ARHGAP42: variants seen among roughly 807,000 people sequenced by gnomAD.
ARHGAP42 encodes the protein rho GTPase-activating protein 42.
Under a neutral mutation model 125.0 loss-of-function variants are expected in ARHGAP42, and 63 were observed. That is an observed-to-expected ratio of 0.50 (90% CI 0.41 to 0.62). ARHGAP42 has a LOEUF of 0.62. Among genes scored for constraint, ARHGAP42 ranks in the 20% least tolerant of loss-of-function variants. The pLI is 0.00. For synonymous variants in ARHGAP42, 339 were observed against 351.0 expected, an observed-to-expected ratio of 0.97 and a Z score of 0.38; for missense variants, 766 against 1,024.2, an observed-to-expected ratio of 0.75 and a Z score of 3.44.
intron 12 of ARHGAP42, among the ~76,000 whole-genome samples, chr11:100,953,529 A>G (rs1350897032): frequency 6.6e-6 from 1 of 152,226 alleles, no homozygotes; most frequent in Non-Finnish European, 1.5e-5. Context: ...GGGCCATAGT[A>G]TGAATTTACA....
chr11:100,914,591 C>T (rs1251514336), intron 5 of ARHGAP42, among the ~76,000 whole-genome samples: 1 of 152,136 alleles, frequency 6.6e-6, no homozygotes, highest in Non-Finnish European at 1.5e-5. Flanking sequence ...CTGAAGTGAA[C>T]ACCATTAGTA....
intron 4 of ARHGAP42, among the ~76,000 whole-genome samples, chr11:100,910,346 C>G (rs754431078): frequency 6.6e-6 from 1 of 152,066 alleles, no homozygotes; most frequent in Non-Finnish European, 1.5e-5. Flanking sequence ...TACCTCACTT[C>G]TCATCTTTTT....
chr11:100,687,608 G>T lies in ARHGAP42; in HGVS notation c.-71G>T. On this transcript the variant is annotated 5_prime_UTR_variant, in exon 1 of 24. Transcript: ENST00000298815. The stretch of plus-strand genomic sequence containing the variant: ...ATCGCGCGACCCCAGCGCCCGCCGC[G>T]GCCGCCGGCTGCCCCCGCCCTGACC... The T allele has an allele frequency of 1.7e-6, 2 of 1,177,620 alleles. No individual in the cohort carries two copies. Among genetic ancestry groups the T allele is most frequent in the South Asian group, 8.4e-5 (2 of 23,728 alleles). The allele number at this position is 1,177,620 out of a possible 1,614,324, so 72.9% of individuals were successfully genotyped here. A position where few individuals can be genotyped will look rare whatever the true frequency, so the allele number is the denominator to read the frequency against.
chr11:100,751,377 G>C lies in ARHGAP42; in HGVS notation c.155-18966G>C, dbSNP rs568482425. Among the ~76,000 whole-genome samples, 194 of 150,328 alleles carry C rather than the reference G, an allele frequency of 1.3e-3. 2 individuals carry two copies. Among genetic ancestry groups the C allele is most frequent in the African/African-American group, 4.6e-3 (189 of 40,862 alleles). Reference sequence around the variant, plus strand: ...CTCACTGTGCAGCCTCCACCTCCTGGGTTCAAGCGATTCTCCTGCGCCAGC... The same window carrying C: ...CTCACTGTGCAGCCTCCACCTCCTGCGTTCAAGCGATTCTCCTGCGCCAGC... On this transcript the variant is annotated intron_variant, in intron 1 of 23. Coordinates refer to ENST00000298815, the MANE Select transcript of ARHGAP42 (RefSeq NM_152432.4).
intron 17 of ARHGAP42, among the ~76,000 whole-genome samples, chr11:100,969,122 G>T (rs1189105970): frequency 6.6e-6 from 1 of 152,038 alleles, no homozygotes; most frequent in East Asian, 1.9e-4. Context: ...GGTTAGTTTT[G>T]CTGGATAGAA....
chr11:100,716,626 C>T (rs530705017), intron 1 of ARHGAP42, among the ~76,000 whole-genome samples: 7 of 151,774 alleles, frequency 4.6e-5, no homozygotes, highest in South Asian at 2.1e-4. Flanking sequence ...CTTAGGAGGA[C>T]GACAGTATTA....
chr11:100,832,908 G>A (rs756267134), intron 3 of ARHGAP42, among the ~76,000 whole-genome samples: 26 of 152,170 alleles, frequency 1.7e-4, no homozygotes, highest in Non-Finnish European at 3.1e-4. Context: ...ATTTTGAATG[G>A]GTATGCTGAA....
chr11:100,687,749 G>A lies in ARHGAP42; in HGVS notation c.71G>A (p.Cys24Tyr). The change falls in exon 1 of 24, where the codon TGT (cysteine) becomes TAT (tyrosine). Residue 24 changes from cysteine (C) to tyrosine (Y), a missense_variant. Physicochemically the swap from Cys to Tyr is radical, Grantham distance 194. Transcript: ENST00000298815. ...DSPDFRERLQCHEIELERTNK... is the reference protein window; with the variant it reads ...DSPDFRERLQYHEIELERTNK... Reference sequence around the variant, plus strand: ...CCAGATTTCAGGGAGCGCTTGCAGTGTCACGAGATTGAGCTGGAGCGAACC... The same window carrying A: ...CCAGATTTCAGGGAGCGCTTGCAGTATCACGAGATTGAGCTGGAGCGAACC... The A allele has an allele frequency of 1.9e-6, 3 of 1,550,862 alleles. No homozygotes were observed. Among genetic ancestry groups the A allele is most frequent in the Non-Finnish European group, 2.6e-6 (3 of 1,146,770 alleles).
At chr11:100,928,226 G>A (rs1242622548) in intron 6 of ARHGAP42, among the ~76,000 whole-genome samples, 1 of 152,056 alleles carries the variant, frequency 6.6e-6, no homozygotes, top group African/African-American at 2.4e-5. Flanking sequence ...ATGAAGGATG[G>A]AACTATATAA....
intron 4 of ARHGAP42, among the ~76,000 whole-genome samples, chr11:100,880,228 T>C (rs1865925022): frequency 6.6e-6 from 1 of 152,166 alleles, no homozygotes; most frequent in African/African-American, 2.4e-5. Flanking sequence ...TGTATCCAAT[T>C]TGTAGTCTTT....
chr11:100,837,785 G>A (rs1008762371), intron 3 of ARHGAP42, among the ~76,000 whole-genome samples: 5 of 147,682 alleles, frequency 3.4e-5, no homozygotes, highest in African/African-American at 1.2e-4. Flanking sequence ...ATGATAATAG[G>A]GGCATAATGC....
At chr11:100,705,999 G>A (rs189457999) in intron 1 of ARHGAP42, among the ~76,000 whole-genome samples, 61 of 39,062 alleles carry the variant, frequency 1.6e-3, no homozygotes, top group African/African-American at 5.5e-3. Context: ...TTTTTTTTTT[G>A]AGATGGAGTC....
intron 1 of ARHGAP42, among the ~76,000 whole-genome samples, chr11:100,710,298 G>T (rs1425811160): frequency 1.3e-5 from 2 of 151,666 alleles, no homozygotes; most frequent in African/African-American, 4.8e-5. Context: ...TATGATCTCG[G>T]CTCACTGTAA....
chr11:100,893,585 T>C (rs966758449), intron 4 of ARHGAP42, among the ~76,000 whole-genome samples: 5 of 152,024 alleles, frequency 3.3e-5, no homozygotes, highest in African/African-American at 1.2e-4. Context: ...GAAAGGAAAA[T>C]TTCTTCAACA....
chr11:100,932,656 T>C (rs1028436464), intron 6 of ARHGAP42, among the ~76,000 whole-genome samples: 4 of 152,204 alleles, frequency 2.6e-5, no homozygotes, highest in African/African-American at 9.6e-5. Flanking sequence ...TTTGCTAAAA[T>C]GTTGTCTATT....
At chr11:100,752,244 A>G (rs1425878315) in intron 1 of ARHGAP42, among the ~76,000 whole-genome samples, 4 of 152,226 alleles carry the variant, frequency 2.6e-5, no homozygotes, top group African/African-American at 4.8e-5. Context: ...ACCCACACCA[A>G]GCTCCAGTGA....
chr11:100,967,368 G>A (rs1383179662), intron 17 of ARHGAP42, among the ~76,000 whole-genome samples: 2 of 151,982 alleles, frequency 1.3e-5, no homozygotes, highest in Admixed American at 1.3e-4. Context: ...ATATATTGTG[G>A]GTGGACTTAT....
At chr11:100,958,898 G>T (rs12421386) in intron 12 of ARHGAP42, among the ~76,000 whole-genome samples, 7,466 of 146,840 alleles carry the variant, frequency 0.051, 325 homozygotes, top group East Asian at 0.27. Context: ...TTTTTAGTTT[G>T]TTGCTGTTAC....
chr11:100,943,766 T>C lies in ARHGAP42; in HGVS notation c.941T>C (p.Leu314Pro). ...EMKSSGKMNG[L>P]VTSSPEMFKL... The stretch of plus-strand genomic sequence containing the variant: ...GTACTCTTCTTGTTTCAGAATGGCC[T>C]TGTTACTAGCTCACCGGAAATGTTT... The change falls in exon 10 of 24, where the codon CTT becomes CCT. Residue 314 changes from leucine (L) to proline (P), a missense_variant. By Grantham distance (98) the Leu-to-Pro change is moderately conservative. Coordinates refer to ENST00000298815, the MANE Select transcript of ARHGAP42 (RefSeq NM_152432.4). 1 of 1,548,038 alleles carries C rather than the reference T, an allele frequency of 6.5e-7. No homozygotes were observed. The highest frequency in any genetic ancestry group is 8.7e-7 in the Non-Finnish European group (1 of 1,144,380).
Sources: allele counts gnomAD v4.1 joint callset (sites outside exome capture counted in the v4.1 genomes callset), GRCh38; gene constraint gnomAD v4.1.1; transcripts MANE v1.5; gene names NCBI Gene and HGNC (gene_info 2026-07-23, HGNC 2026-07-21).